PWWP2A: variants seen among roughly 807,000 people sequenced by gnomAD.
The protein encoded by PWWP2A is PWWP domain-containing protein 2A.
A neutral mutation model predicts 48.5 loss-of-function variants in PWWP2A; 18 were observed. That is an observed-to-expected ratio of 0.37 (90% CI 0.26 to 0.55). PWWP2A has a LOEUF of 0.55. PWWP2A is among the 20% of genes least tolerant of loss of function. The pLI is 0.81. For missense variants in PWWP2A, 867 were observed against 976.4 expected, an observed-to-expected ratio of 0.89 and a Z score of 1.49; for synonymous variants, 396 against 387.7, an observed-to-expected ratio of 1.02 and a Z score of -0.25.
chr5:160,099,078 A>G (rs1208121932), intron 1 of PWWP2A, among the ~76,000 whole-genome samples: 1 of 152,238 alleles, frequency 6.6e-6, no homozygotes, highest in Non-Finnish European at 1.5e-5. Context: ...AAACTTTCCT[A>G]TAGTGGAACT....
At chr5:160,106,001 G>A (rs1756858326) in intron 1 of PWWP2A, among the ~76,000 whole-genome samples, 1 of 151,994 alleles carries the variant, frequency 6.6e-6, no homozygotes, top group South Asian at 2.1e-4. Flanking sequence ...TTAAGACCCA[G>A]GACCATGTAG....
intron 1 of PWWP2A, among the ~76,000 whole-genome samples, chr5:160,104,419 A>G (rs1413406786): frequency 2.0e-5 from 3 of 152,158 alleles, no homozygotes; most frequent in East Asian, 3.9e-4. Context: ...TGACAGAGCA[A>G]GACCTTGCCT....
At chr5:160,064,206 T>C (rs548555906) in intron 4 of PWWP2A, among the ~76,000 whole-genome samples, 75 of 152,084 alleles carry the variant, frequency 4.9e-4, no homozygotes, top group African/African-American at 1.7e-3. Flanking sequence ...TGACCTCAGG[T>C]GATCCACCCA....
At chr5:160,090,019 C>T (rs773992270), downstream of PWWP2A, 1 of 985,306 alleles carries the variant, frequency 1.0e-6, no homozygotes, top group Admixed American at 6.1e-5. Context: ...TTCTTTAAAA[C>T]TTGCTTCCCT....
intron 1 of PWWP2A, among the ~76,000 whole-genome samples, chr5:160,107,859 G>C (rs765424247): frequency 9.9e-5 from 15 of 152,066 alleles, no homozygotes; most frequent in Non-Finnish European, 1.9e-4. Flanking sequence ...AAATTAGCCG[G>C]ATATGGTGGC....
the PWWP2A span, among the ~76,000 whole-genome samples, chr5:160,054,931 CTG>C: frequency 3.3e-5 from 5 of 152,250 alleles, no homozygotes; most frequent in African/African-American, 1.2e-4. Context: ...CTCTGCTCAA[CTG>C]TAAGATACTT....
At chr5:160,048,743 T>C in the PWWP2A span, among the ~76,000 whole-genome samples, 3 of 152,202 alleles carry the variant, frequency 2.0e-5, no homozygotes, top group East Asian at 5.8e-4. Context: ...ATCTTCAAAT[T>C]CTCTCTCACC....
At chr5:160,063,966 C>CTTTTTT (rs34967107) in intron 4 of PWWP2A, among the ~76,000 whole-genome samples, 5 of 106,652 alleles carry the variant, frequency 4.7e-5, no homozygotes, top group East Asian at 2.8e-4. Context: ...TAGACCATGA[C>CTTTTTT]TTTTTTTTTT....
the PWWP2A span, among the ~76,000 whole-genome samples, chr5:160,044,900 T>C: frequency 3.3e-5 from 5 of 152,350 alleles, no homozygotes; most frequent in Non-Finnish European, 7.3e-5. Context: ...TTTGGTGCCC[T>C]CTCTACTGGC....
chr5:160,053,772 T>C, the PWWP2A span, among the ~76,000 whole-genome samples: 1 of 152,218 alleles, frequency 6.6e-6, no homozygotes, highest in Non-Finnish European at 1.5e-5. Flanking sequence ...AAAATGGGTT[T>C]TTATTTAGAT....
Position 160,119,222 on chromosome 5 carries a change from C to G in PWWP2A, c.167G>C (p.Gly56Ala). 1 of 1,439,308 alleles carries G rather than the reference C, an allele frequency of 6.9e-7. No homozygotes were observed. The highest frequency in any genetic ancestry group is 9.0e-7 in the Non-Finnish European group (1 of 1,109,510). 89.2% of individuals were successfully genotyped at this position (1,439,308 alleles called of 1,614,324 possible). ...GTCGGCCTGAGGAGCGGATTGCTGCCCGTCAGTCTCGCCATCCGGCACAGA... is the reference window on the plus strand; with the variant it reads ...GTCGGCCTGAGGAGCGGATTGCTGCGCGTCAGTCTCGCCATCCGGCACAGA... ...EASVPDGETD[G>A]QQSAPQADEP... Residue 56 changes from glycine to alanine, a missense_variant, in exon 1 of 2, where the codon GGG becomes GCG. Gly to Ala is a moderately conservative substitution (Grantham distance 60). Around this residue, in one of 4 missense-constraint regions of PWWP2A, gnomAD observed 385 missense variants for 396.9 expected, o/e 0.97. Coordinates refer to ENST00000307063, the MANE Select transcript of PWWP2A (RefSeq NM_001130864.2).
the PWWP2A span, among the ~76,000 whole-genome samples, chr5:160,055,626 G>T: frequency 6.6e-6 from 1 of 152,222 alleles, no homozygotes; most frequent in East Asian, 1.9e-4. Flanking sequence ...TTAAGATGGA[G>T]CTCAGCAATC....
At chr5:160,055,938 G>C in the PWWP2A span, among the ~76,000 whole-genome samples, 4 of 152,226 alleles carry the variant, frequency 2.6e-5, no homozygotes, top group Non-Finnish European at 5.9e-5. Flanking sequence ...ATTTGGACAA[G>C]TTGCCACTGG....
downstream of PWWP2A, among the ~76,000 whole-genome samples, chr5:160,086,475 C>A (rs1034137698): frequency 6.6e-6 from 1 of 152,116 alleles, no homozygotes; most frequent in East Asian, 1.9e-4. Flanking sequence ...CATGATTATA[C>A]CCCTACAGTC....
At chr5:160,074,306 C>G (rs922083239), downstream of PWWP2A, among the ~76,000 whole-genome samples, 7 of 150,804 alleles carry the variant, frequency 4.6e-5, no homozygotes, top group African/African-American at 1.7e-4. Context: ...GGAGTTGTGG[C>G]ACATGCCTGT....
At chr5:160,061,665 T>C (rs1753412384), downstream of PWWP2A, 1 of 152,350 alleles carries the variant, frequency 6.6e-6, no homozygotes, top group African/African-American at 2.4e-5. Context: ...ATTTTCTTTT[T>C]TTTTTTCCCC....
At chr5:160,087,585 A>T (rs1012936878), downstream of PWWP2A, among the ~76,000 whole-genome samples, 5 of 152,214 alleles carry the variant, frequency 3.3e-5, no homozygotes, top group South Asian at 2.1e-4. Context: ...ATCCTAATTT[A>T]AAAAATTTCT....
At chr5:160,049,649 G>C in the PWWP2A span, 1 of 1,580,380 alleles carries the variant, frequency 6.3e-7, no homozygotes, top group Non-Finnish European at 8.5e-7. Flanking sequence ...CATCAAGCAA[G>C]AGAAGCTTGT....
At chr5:160,097,624 G>A (rs1233204076) in intron 1 of PWWP2A, among the ~76,000 whole-genome samples, 34 of 145,250 alleles carry the variant, frequency 2.3e-4, no homozygotes, top group Admixed American at 4.2e-4. Context: ...GAGAGACTCC[G>A]TCTCAAATAA....
Sources: allele counts gnomAD v4.1 joint callset (sites outside exome capture counted in the v4.1 genomes callset), GRCh38; gene constraint gnomAD v4.1.1; regional missense constraint gnomAD v4.1.1; transcripts MANE v1.5; gene names NCBI Gene and HGNC (gene_info 2026-07-23, HGNC 2026-07-21).